Variants in JAZF1 observed in about 807,000 individuals in gnomAD.
The protein encoded by JAZF1 is JAZF zinc finger 1, also known as juxtaposed with another zinc finger protein 1.
JAZF1 carries 8 observed loss-of-function variants against 26.4 expected under a neutral mutation model. The observed-to-expected ratio is 0.30, with a 90% CI of 0.18 to 0.55. The LOEUF (loss-of-function observed/expected upper bound fraction) is 0.55, where lower values mean the gene tolerates loss of function less well. JAZF1 is among the 20% of genes least tolerant of loss of function. The pLI is 0.94. For synonymous variants in JAZF1, 126 were observed against 122.3 expected, an observed-to-expected ratio of 1.03 and a Z score of -0.20; for missense variants, 199 against 322.0, an observed-to-expected ratio of 0.62 and a Z score of 2.92.
chr7:28,063,501 A>C (rs909019434), intron 1 of JAZF1, among the ~76,000 whole-genome samples: 7 of 152,206 alleles, frequency 4.6e-5, no homozygotes, highest in Non-Finnish European at 8.8e-5. Flanking sequence ...TTCCTCCAAA[A>C]AAATCACTCT....
chr7:28,034,813 G>A (rs1783257104), intron 1 of JAZF1, among the ~76,000 whole-genome samples: 1 of 152,252 alleles, frequency 6.6e-6, no homozygotes, highest in Middle Eastern at 3.4e-3. Flanking sequence ...AATATCAAAA[G>A]ACAAATCCTG....
chr7:27,844,694 G>A (rs539978316), intron 3 of JAZF1: 6 of 152,336 alleles, frequency 3.9e-5, no homozygotes, highest in East Asian at 3.9e-4. Context: ...TACAGGAATA[G>A]TTTTAATAAA....
rs1044432330 is a variant in JAZF1, at chr7:27,830,585, T to C, written c.*2215A>G. ...ATAAAGAGCCATATTTATTTTTGGG[T>C]CAGAGGCAGTTTATTTTAAATGTGA... On this transcript the variant is annotated 3_prime_UTR_variant, in exon 5 of 5. Transcript: ENST00000283928. The C allele has an allele frequency of 1.1e-5, 2 of 178,856 alleles. No homozygotes were observed. The highest frequency in any genetic ancestry group is 2.4e-5 in the Non-Finnish European group (2 of 83,144). 11.1% of individuals were successfully genotyped at this position (178,856 alleles called of 1,614,324 possible). A position where few individuals can be genotyped will look rare whatever the true frequency, so the allele number is the denominator to read the frequency against.
rs116551047 is a variant in JAZF1 at position 28,125,363 on chromosome 7, C to T, written c.115+55100G>A. Among the ~76,000 whole-genome samples the T allele has an allele frequency of 3.8e-3, 582 of 152,138 alleles. 4 individuals carry two copies. Among genetic ancestry groups the T allele is most frequent in the African/African-American group, 0.013 (559 of 41,500 alleles). ...TAGTAAAACGATAATTTATCTGTCA[C>T]AATTTACCGAGGGGGAAAAAGTGCA... On this transcript the variant is annotated intron_variant, in intron 1 of 4. Transcript: ENST00000283928.
chr7:28,174,796 C>T (rs1242561866), intron 1 of JAZF1, among the ~76,000 whole-genome samples: 1 of 85,354 alleles, frequency 1.2e-5, no homozygotes, highest in African/African-American at 3.1e-5. Flanking sequence ...TTTCGGGTTC[C>T]CTGATCCTGC....
In JAZF1 at chr7:28,131,915, G is replaced by A. The variant is rs78909695; in HGVS notation, c.115+48548C>T. Among the ~76,000 whole-genome samples, 1,983 of 152,130 alleles carry A rather than the reference G, an allele frequency of 0.013. 135 individuals are homozygous for A. In the East Asian group the frequency reaches 0.22, roughly 17 times the overall value. On this transcript the variant is annotated intron_variant, in intron 1 of 4. Coordinates refer to ENST00000283928, the MANE Select transcript of JAZF1 (RefSeq NM_175061.4). ...AATTTAATGCAATGGAAAATGCAAC[G>A]CACAAATCTTCAAATTTATTGTACT...
At position 28,019,580 on chromosome 7, in the gene JAZF1, T is replaced by C. The variant is rs1782968383; in HGVS notation, c.116-27599A>G. On this transcript the variant is annotated intron_variant, in intron 1 of 4. Transcript: ENST00000283928. ...CCACTTCATGGAAATGTTACCATCC[T>C]CTGATTGATTTATACTGAGCTGAAT... 2.6e-5 allele frequency among the ~76,000 whole-genome samples: 4 copies of C among 152,086 alleles called. No homozygotes were observed. In the South Asian group the frequency reaches 8.3e-4, roughly 32 times the overall value.
intron 2 of JAZF1, among the ~76,000 whole-genome samples, chr7:27,922,829 A>G (rs1416309944): frequency 1.3e-5 from 2 of 152,244 alleles, no homozygotes; most frequent in Non-Finnish European, 2.9e-5. Context: ...CAGAGGTGCC[A>G]GAGCCGTCTC....
At chr7:28,144,512 G>T (rs983230610) in intron 1 of JAZF1, among the ~76,000 whole-genome samples, 3 of 152,226 alleles carry the variant, frequency 2.0e-5, no homozygotes, top group Non-Finnish European at 2.9e-5. Context: ...GGCCCTGCCT[G>T]CCAATCAGCA....
intron 1 of JAZF1, among the ~76,000 whole-genome samples, chr7:28,139,296 T>A (rs980047688): frequency 2.6e-5 from 4 of 152,212 alleles, no homozygotes; most frequent in Non-Finnish European, 4.4e-5. Context: ...CAGGGAACAG[T>A]TAGTGCCATG....
intron 1 of JAZF1, among the ~76,000 whole-genome samples, chr7:28,014,778 C>T (rs990492172): frequency 6.6e-6 from 1 of 152,190 alleles, no homozygotes; most frequent in African/African-American, 2.4e-5. Flanking sequence ...TGTCTCTCTA[C>T]TCTGGGGTTG....
chr7:27,988,376 T>C (rs997984883), intron 2 of JAZF1, among the ~76,000 whole-genome samples: 1 of 113,978 alleles, frequency 8.8e-6, no homozygotes, highest in African/African-American at 3.7e-5. Flanking sequence ...AAATTGTAAA[T>C]TTTTTTTTTT....
chr7:27,832,054 C>G lies in JAZF1; in HGVS notation c.*746G>C, dbSNP rs964013869. Reference sequence around the variant, plus strand: ...CATAAATTGAATCCCTTGTACCCAGCAGGCACTCAATCAATGTGTGTTAAA... The same window carrying G: ...CATAAATTGAATCCCTTGTACCCAGGAGGCACTCAATCAATGTGTGTTAAA... On this transcript the variant is annotated 3_prime_UTR_variant, in exon 5 of 5. Coordinates refer to ENST00000283928, the MANE Select transcript of JAZF1 (RefSeq NM_175061.4). The G allele has an allele frequency of 3.4e-4, 72 of 213,892 alleles. No individual in the cohort carries two copies. Among genetic ancestry groups the G allele is most frequent in the African/African-American group, 1.5e-3 (68 of 44,358 alleles). 13.2% of individuals were successfully genotyped at this position (213,892 alleles called of 1,614,324 possible).
intron 1 of JAZF1, among the ~76,000 whole-genome samples, chr7:28,159,331 T>G (rs1050571608): frequency 6.6e-6 from 1 of 151,600 alleles, no homozygotes; most frequent in African/African-American, 2.4e-5. Flanking sequence ...TTAAATTCAT[T>G]TTTAATATAA....
chr7:27,860,746 A>G (rs1412607632), intron 3 of JAZF1, among the ~76,000 whole-genome samples: 1 of 152,190 alleles, frequency 6.6e-6, no homozygotes, highest in African/African-American at 2.4e-5. Context: ...GTTCCCAGCC[A>G]GCGTACTGCA....
At chr7:28,157,975 T>C (rs574368026) in intron 1 of JAZF1, among the ~76,000 whole-genome samples, 14 of 152,084 alleles carry the variant, frequency 9.2e-5, no homozygotes, top group African/African-American at 2.7e-4. Flanking sequence ...TAAACACTCA[T>C]GTTGGTTCCT....
rs58448766 is a variant in JAZF1, at chr7:28,120,501, C to CTTTTTTTTTTTTTT, written c.115+59948_115+59961dup. 8.8e-3 allele frequency among the ~76,000 whole-genome samples: 518 copies of CTTTTTTTTTTTTTT among 59,000 alleles called. 147 individuals are homozygous for CTTTTTTTTTTTTTT. Among genetic ancestry groups the CTTTTTTTTTTTTTT allele is most frequent in the South Asian group, 0.021 (20 of 964 alleles). 38.7% of individuals were successfully genotyped at this position (59,000 alleles called of 152,430 possible). ...TCTGAACCACTAGCCACACACAGTTCTTTTTTTTTTTTTTTTTTTTTTTTT... is the reference window on the plus strand; with the variant it reads ...TCTGAACCACTAGCCACACACAGTTCTTTTTTTTTTTTTTTTTTTTTTTTTTTTTTTTTTTTTTT... On this transcript the variant is annotated intron_variant, in intron 1 of 4. Transcript: ENST00000283928.
intron 2 of JAZF1, among the ~76,000 whole-genome samples, chr7:27,991,268 G>A (rs1696147398): frequency 6.6e-6 from 1 of 152,128 alleles, no homozygotes; most frequent in South Asian, 2.1e-4. Context: ...TTGGGACTGT[G>A]TGTTTTCTTA....
intron 1 of JAZF1, among the ~76,000 whole-genome samples, chr7:28,111,632 G>C (rs1283402096): frequency 6.6e-6 from 1 of 152,168 alleles, no homozygotes; most frequent in Non-Finnish European, 1.5e-5. Flanking sequence ...TTTTCTGAAG[G>C]CCAAATCAAA....
Sources: gnomAD v4.1 joint callset for allele counts (sites outside exome capture counted in the v4.1 genomes callset) on GRCh38, gnomAD v4.1.1 for gene constraint, MANE v1.5 for transcripts, NCBI Gene and HGNC (gene_info 2026-07-23, HGNC 2026-07-21) for gene names.